The following KRABD5 variants were observed in gnomAD, a reference collection of about 807,000 sequenced individuals.
The protein encoded by KRABD5 is KRAB domain-containing protein 5.
chr16:31,713,610 G>T, the KRABD5 span: 1 of 941,442 alleles, frequency 1.1e-6, no homozygotes, highest in Non-Finnish European at 1.6e-6. Context: ...GACCCCGCGC[G>T]TCCGGTCCCC....
chr16:31,729,194 G>A, the KRABD5 span, among the ~76,000 whole-genome samples: 1 of 152,192 alleles, frequency 6.6e-6, no homozygotes, highest in African/African-American at 2.4e-5. Flanking sequence ...TGAGTCTCTT[G>A]TAAGCAACCT....
At chr16:31,733,063 G>C in the KRABD5 span, among the ~76,000 whole-genome samples, 2 of 151,744 alleles carry the variant, frequency 1.3e-5, no homozygotes, top group Admixed American at 6.6e-5. Context: ...TTTCAACCTT[G>C]ATATTATGAA....
At chr16:31,754,143 C>A in the KRABD5 span, 5 of 694,860 alleles carry the variant, frequency 7.2e-6, no homozygotes, top group Admixed American at 1.1e-4. Context: ...TTCAAATAAT[C>A]ATTTAAACCA....
At chr16:31,713,705 A>G in the KRABD5 span, among the ~76,000 whole-genome samples, 1 of 152,150 alleles carries the variant, frequency 6.6e-6, no homozygotes, top group East Asian at 1.9e-4. Context: ...TTGTGCGGTG[A>G]GAACGTGAGG....
chr16:31,738,682 T>A, the KRABD5 span, among the ~76,000 whole-genome samples: 1 of 152,172 alleles, frequency 6.6e-6, no homozygotes, highest in Non-Finnish European at 1.5e-5. Context: ...AAGTAATTAC[T>A]GAAAGGTATG....
chr16:31,732,111 A>T, the KRABD5 span, among the ~76,000 whole-genome samples: 1 of 152,132 alleles, frequency 6.6e-6, no homozygotes, highest in Non-Finnish European at 1.5e-5. Flanking sequence ...AGATATAGCA[A>T]TTTTTTTGTT....
chr16:31,760,483 C>T, the KRABD5 span: 6 of 123,634 alleles, frequency 4.9e-5, no homozygotes, highest in Non-Finnish European at 8.3e-5. Context: ...GTAGGGCCTC[C>T]GCATGTGACT....
At chr16:31,743,182 G>A in the KRABD5 span, among the ~76,000 whole-genome samples, 12 of 151,948 alleles carry the variant, frequency 7.9e-5, no homozygotes, top group Admixed American at 7.2e-4. Flanking sequence ...TGTTTTAGTC[G>A]TGAAGTCTTT....
chr16:31,750,054 G>GT, the KRABD5 span, among the ~76,000 whole-genome samples: 3 of 152,088 alleles, frequency 2.0e-5, no homozygotes, highest in East Asian at 1.9e-4. Context: ...TTTTAGAATA[G>GT]TTTTTTTCTA....
chr16:31,759,389 A>C, the KRABD5 span: 1 of 1,538,146 alleles, frequency 6.5e-7, no homozygotes, highest in Non-Finnish European at 8.8e-7. Flanking sequence ...AAAATCAACA[A>C]GATAATCTCT....
At chr16:31,723,506 G>T in the KRABD5 span, among the ~76,000 whole-genome samples, 148 of 152,268 alleles carry the variant, frequency 9.7e-4, no homozygotes, top group South Asian at 0.03. Context: ...GTCACAGAGG[G>T]ACATCTTCTG....
At chr16:31,719,564 G>A in the KRABD5 span, among the ~76,000 whole-genome samples, 3 of 152,186 alleles carry the variant, frequency 2.0e-5, no homozygotes, top group African/African-American at 4.8e-5. Context: ...CCTGACCCGT[G>A]TCCCTAGCCT....
chr16:31,735,931 C>G, the KRABD5 span, among the ~76,000 whole-genome samples: 8 of 152,070 alleles, frequency 5.3e-5, no homozygotes, highest in African/African-American at 1.4e-4. Flanking sequence ...ATCTCATTTG[C>G]CTATTTTTGC....
At chr16:31,759,454 GC>G in the KRABD5 span, 1 of 1,511,976 alleles carries the variant, frequency 6.6e-7, no homozygotes, top group Admixed American at 2.0e-5. Flanking sequence ...TGAAAGTGTT[GC>G]TTCGAAAAGG....
chr16:31,749,018 C>G, the KRABD5 span, among the ~76,000 whole-genome samples: 2 of 152,148 alleles, frequency 1.3e-5, no homozygotes, highest in African/African-American at 4.8e-5. Flanking sequence ...GGGAAAAACC[C>G]ACTTGTCTGG....
the KRABD5 span, among the ~76,000 whole-genome samples, chr16:31,716,456 C>G: frequency 2.6e-5 from 4 of 152,050 alleles, no homozygotes; most frequent in African/African-American, 9.7e-5. Context: ...ATCATGCAGT[C>G]TTGACGTCCC....
At chr16:31,716,678 C>T in the KRABD5 span, among the ~76,000 whole-genome samples, 1 of 152,158 alleles carries the variant, frequency 6.6e-6, no homozygotes, top group Non-Finnish European at 1.5e-5. Context: ...CCATGCCTGG[C>T]CCACAAACCC....
chr16:31,736,600 C>G, the KRABD5 span, among the ~76,000 whole-genome samples: 1 of 151,038 alleles, frequency 6.6e-6, no homozygotes, highest in African/African-American at 2.4e-5. Context: ...TTACTGCAAC[C>G]TCCGCTTCCT....
the KRABD5 span, chr16:31,713,387 C>G: frequency 4.4e-6 from 7 of 1,596,346 alleles, no homozygotes; most frequent in Admixed American, 1.0e-4. Flanking sequence ...CGGCAGGCAC[C>G]GGGAGATCCG....
Sources: gnomAD v4.1 joint callset for allele counts (sites outside exome capture counted in the v4.1 genomes callset) on GRCh38, gnomAD v4.1.1 for gene constraint, MANE v1.5 for transcripts, NCBI Gene and HGNC (gene_info 2026-07-23, HGNC 2026-07-21) for gene names.